The following PRDM15 variants were observed in gnomAD, a reference collection of about 807,000 sequenced individuals.
The protein encoded by PRDM15 is PR domain zinc finger protein 15.
A neutral mutation model predicts 128.6 loss-of-function variants in PRDM15; 64 were observed. The observed-to-expected ratio is 0.50, with a 90% CI of 0.41 to 0.61. PRDM15 has a LOEUF of 0.61. Ranked by LOEUF, PRDM15 falls within the 20% of genes least tolerant of loss-of-function variation. The probability of loss-of-function intolerance (pLI) is 0.00; values close to 1 mark genes in which losing one functional copy is unlikely to be tolerated. For missense variants in PRDM15, 1,242 were observed against 1,569.1 expected (o/e 0.79, Z 3.52); for synonymous variants, 615 against 621.8 (o/e 0.99, Z 0.16).
At chr21:41,805,420 G>A (rs1160946963) in intron 21 of PRDM15, among the ~76,000 whole-genome samples, 4 of 152,156 alleles carry the variant, frequency 2.6e-5, no homozygotes, top group Admixed American at 2.6e-4. Context: ...ACTAAAGGAA[G>A]TTAAAATGAA....
At chr21:41,857,939 T>C (rs1369938132) in intron 3 of PRDM15, among the ~76,000 whole-genome samples, 1 of 152,060 alleles carries the variant, frequency 6.6e-6, no homozygotes, top group Non-Finnish European at 1.5e-5. Flanking sequence ...GGCGGGGCTG[T>C]GCACTGAAGG....
intron 9 of PRDM15, 24 bp downstream of exon 9, chr21:41,836,444 G>C: frequency 6.3e-7 from 1 of 1,596,718 alleles, no homozygotes. Flanking sequence ...GGCCCCGGGC[G>C]CCAGCCGGGC....
At chr21:41,818,294 C>A (rs1348123951) in intron 18 of PRDM15, among the ~76,000 whole-genome samples, 1 of 152,192 alleles carries the variant, frequency 6.6e-6, no homozygotes, top group African/African-American at 2.4e-5. Flanking sequence ...AACCACCTGT[C>A]CCGCTAAGGC....
At position 41,821,699 on chromosome 21, in the gene PRDM15, G is replaced by A. The variant is rs1442628115; in HGVS notation, c.1896+204C>T. Reference sequence around the variant, plus strand: ...TGAGACCCACACAGACCGTCCCTGAGCACCAAGGTGACACAGGCTGGCCTT... The same window carrying A: ...TGAGACCCACACAGACCGTCCCTGAACACCAAGGTGACACAGGCTGGCCTT... On this transcript the variant is annotated intron_variant, in intron 15 of 23. Coordinates refer to ENST00000398548, the MANE Select transcript of PRDM15 (RefSeq NM_001040424.3). The surrounding 1 kb of genome is among the most constrained non-coding windows in gnomAD (Gnocchi z 5.4). Among the ~76,000 whole-genome samples the A allele has an allele frequency of 2.0e-5, 3 of 152,244 alleles. No homozygotes were observed. The highest frequency in any genetic ancestry group is 6.5e-5 in the Admixed American group (1 of 15,290).
intron 1 of PRDM15, chr21:41,867,529 A>C: frequency 1.8e-6 from 1 of 554,314 alleles, no homozygotes; most frequent in Non-Finnish European, 3.2e-6. Context: ...CTACAGCCTC[A>C]AACTCCTGGG....
chr21:41,834,489 G>A, intron 11 of PRDM15: 1 of 1,549,096 alleles, frequency 6.5e-7, no homozygotes, highest in Non-Finnish European at 8.7e-7. Context: ...GGACGGGGTG[G>A]GCGTCGAAGG....
At chr21:41,803,088 A>G (rs1322881558) in intron 22 of PRDM15, 167 bp from the exon 23 acceptor site, 4 of 638,656 alleles carry the variant, frequency 6.3e-6, no homozygotes, top group Non-Finnish European at 1.1e-5. Context: ...TTGTATTTCT[A>G]AGGATCGGGG....
chr21:41,874,277 C>G (rs1418769511), intron 1 of PRDM15, among the ~76,000 whole-genome samples: 6 of 151,532 alleles, frequency 4.0e-5, no homozygotes, highest in African/African-American at 9.7e-5. Context: ...AAAAAGCAGA[C>G]AGAATGAGAA....
chr21:41,847,687 G>A (rs8132104), intron 5 of PRDM15, among the ~76,000 whole-genome samples: 26,028 of 152,132 alleles, frequency 0.17, 2,369 homozygotes, highest in East Asian at 0.34. Context: ...GATGACTGAC[G>A]TGCTCCACAG....
At position 41,851,423 on chromosome 21, in the gene PRDM15, GTGGGCCCTGGGTGCAT is replaced by G. The variant is rs537632327; in HGVS notation, c.538+3127_538+3142del. The stretch of plus-strand genomic sequence containing the variant: ...GTGCTCGACACACACTCAGACTCTG[GTGGGCCCTGGGTGCAT>G]TGGGCGGGCAGGGCTCTAGAAGCGC... On this transcript the variant is annotated intron_variant, in intron 5 of 23. Coordinates refer to ENST00000398548, the MANE Select transcript of PRDM15 (RefSeq NM_001040424.3). Among the ~76,000 whole-genome samples the G allele has an allele frequency of 1.8e-3, 279 of 152,336 alleles. 2 individuals are homozygous for G. The highest frequency in any genetic ancestry group is 6.5e-3 in the African/African-American group (272 of 41,566).
In PRDM15 at chr21:41,810,503, G is replaced by C; in HGVS notation, c.2477-174C>G. On this transcript the variant is annotated intron_variant, in intron 20 of 23. Transcript: ENST00000398548. The surrounding 1 kb of genome is among the most constrained non-coding windows in gnomAD (Gnocchi z 6.4). ...GAGCACACATGAGCACAGAGCCTCT[G>C]TCCCTTGGGGAGCACTGCCAGCAGC... 1.4e-6 allele frequency: 1 copy of C among 699,768 alleles called. No individual in the cohort carries two copies. Among genetic ancestry groups the C allele is most frequent in the South Asian group, 1.9e-5 (1 of 53,574 alleles). 43.3% of individuals were successfully genotyped at this position (699,768 alleles called of 1,614,324 possible).
At chr21:41,806,439 C>T (rs866943449) in intron 21 of PRDM15, among the ~76,000 whole-genome samples, 2 of 37,796 alleles carry the variant, frequency 5.3e-5, no homozygotes, top group Non-Finnish European at 1.1e-4. Flanking sequence ...ACCACCACCA[C>T]CATCACCACC....
In PRDM15 at chr21:41,810,967, C is replaced by G; in HGVS notation, c.2393-131G>C. The stretch of plus-strand genomic sequence containing the variant: ...GAGAAGGTGAATTGCAAGAAGACAG[C>G]AGACAATGAACGCTCATCCCCAGCC... On this transcript the variant is annotated intron_variant, in intron 19 of 23. Transcript: ENST00000398548. The surrounding 1 kb of genome is among the most constrained non-coding windows in gnomAD (Gnocchi z 6.4). The G allele has an allele frequency of 2.6e-6, 2 of 757,320 alleles. No homozygotes were observed. The highest frequency in any genetic ancestry group is 4.5e-6 in the Non-Finnish European group (2 of 443,698). The allele number at this position is 757,320 out of a possible 1,614,324, so 46.9% of individuals were successfully genotyped here.
At chr21:41,834,399 T>C in intron 11 of PRDM15, 2 of 1,027,922 alleles carry the variant, frequency 1.9e-6, no homozygotes, top group Admixed American at 2.0e-5. Context: ...GCAGGTGCCC[T>C]GTTCTCAACA....
intron 13 of PRDM15, among the ~76,000 whole-genome samples, chr21:41,824,585 A>AC (rs1185473760): frequency 6.6e-6 from 1 of 152,166 alleles, no homozygotes; most frequent in Non-Finnish European, 1.5e-5. Flanking sequence ...TGGAGCCGGT[A>AC]CCCCCCAAGG....
Position 41,854,628 on chromosome 21 carries a change from G to A in PRDM15, c.476C>T (p.Ala159Val), listed in dbSNP as rs868540072. 3.1e-6 allele frequency: 5 copies of A among 1,613,624 alleles called. No homozygotes were observed. Among genetic ancestry groups the A allele is most frequent in the African/African-American group, 1.3e-5 (1 of 74,946 alleles). ...PPGTELRVWY[A>V]AFYAKKMDKP... ...GTCCATCTTCTTGGCATAGAAGGCC[G>A]CATACCACACGCGCAGCTCGGTACC... Residue 159 changes from alanine (A) to valine (V), a missense_variant, in exon 5 of 24, where the codon GCG (alanine) becomes GTG (valine). Around this residue, in one of 3 missense-constraint regions of PRDM15, gnomAD observed 612 missense variants for 717.0 expected, o/e 0.85. Transcript: ENST00000398548. The surrounding 1 kb of genome is among the most constrained non-coding windows in gnomAD (Gnocchi z 4.6).
intron 11 of PRDM15, among the ~76,000 whole-genome samples, chr21:41,829,069 A>G (rs1377599383): frequency 1.3e-5 from 2 of 150,006 alleles, no homozygotes; most frequent in African/African-American, 4.9e-5. Context: ...CACACCATAC[A>G]CACACCACAC....
intron 16 of PRDM15, among the ~76,000 whole-genome samples, chr21:41,820,746 T>C (rs2062230172): frequency 6.6e-6 from 1 of 152,252 alleles, no homozygotes; most frequent in Admixed American, 6.5e-5. Flanking sequence ...ATGTCAGATG[T>C]GGCCTGGCAT....
intron 1 of PRDM15, chr21:41,861,536 C>T (rs539066026): frequency 5.1e-5 from 78 of 1,532,062 alleles, no homozygotes; most frequent in Non-Finnish European, 5.9e-5. Context: ...CCTCCTCTGC[C>T]CCCCCCCAAT....
Sources: allele counts gnomAD v4.1 joint callset (sites outside exome capture counted in the v4.1 genomes callset), GRCh38; gene constraint gnomAD v4.1.1; regional missense constraint gnomAD v4.1.1; non-coding constraint Gnocchi (gnomAD v3.1); transcripts MANE v1.5; gene names NCBI Gene and HGNC (gene_info 2026-07-23, HGNC 2026-07-21).